The following ARHGAP44 variants were observed in gnomAD, a reference collection of about 807,000 sequenced individuals.
ARHGAP44 encodes Rho GTPase activating protein 44.
In ARHGAP44, 43 loss-of-function variants were observed where a neutral mutation model predicts 106.8. That is an observed-to-expected ratio of 0.40 (90% CI 0.32 to 0.52). ARHGAP44 has a LOEUF of 0.52. ARHGAP44 is among the 20% of genes least tolerant of loss of function. ARHGAP44 has a pLI of 0.48. For synonymous variants in ARHGAP44, 439 were observed against 410.3 expected (o/e 1.07, Z -0.85); for missense variants, 866 against 1,050.5 (o/e 0.82, Z 2.43).
chr17:12,972,790 T>C (rs1487897832), intron 16 of ARHGAP44, among the ~76,000 whole-genome samples: 1 of 151,214 alleles, frequency 6.6e-6, no homozygotes, highest in African/African-American at 2.4e-5. Context: ...GCCTCCCGAA[T>C]AGCTGGGACT....
At chr17:12,799,560 C>T (rs2034025204) in intron 1 of ARHGAP44, among the ~76,000 whole-genome samples, 1 of 152,258 alleles carries the variant, frequency 6.6e-6, no homozygotes, top group South Asian at 2.1e-4. Context: ...GTACTAGTTC[C>T]CTGGATATGA....
At chr17:12,913,968 C>CAAA (rs58231055) in intron 4 of ARHGAP44, among the ~76,000 whole-genome samples, 1,426 of 63,426 alleles carry the variant, frequency 0.022, 64 homozygotes, top group African/African-American at 0.072. Context: ...GATTTTGTCT[C>CAAA]AAAAAAAAAA....
intron 8 of ARHGAP44, among the ~76,000 whole-genome samples, chr17:12,941,490 G>A (rs2038707700): frequency 6.6e-6 from 1 of 152,038 alleles, no homozygotes; most frequent in Non-Finnish European, 1.5e-5. Flanking sequence ...TAAATATCCT[G>A]CAGTGCACAA....
rs531946415 is a variant in ARHGAP44, at chr17:12,940,052, G to C, written c.583-1004G>C. 8.1e-4 allele frequency among the ~76,000 whole-genome samples: 123 copies of C among 152,326 alleles called. 1 individual carries two copies. The highest frequency in any genetic ancestry group is 2.9e-3 in the African/African-American group (120 of 41,566). On this transcript the variant is annotated intron_variant, in intron 7 of 20. Transcript: ENST00000379672. ...GACTGAGGGTTATGGGGTTGGTGCAGATTGCTTGAGGTTTCATGGAAGAGC... is the reference window on the plus strand; with the variant it reads ...GACTGAGGGTTATGGGGTTGGTGCACATTGCTTGAGGTTTCATGGAAGAGC...
chr17:12,861,935 T>G (rs893004106), intron 1 of ARHGAP44, among the ~76,000 whole-genome samples: 4 of 151,946 alleles, frequency 2.6e-5, no homozygotes, highest in African/African-American at 9.7e-5. Flanking sequence ...GTGGCTGGCC[T>G]TCCTCTTCCA....
In ARHGAP44 at chr17:12,973,295, C is replaced by T. The variant is rs2039575146; in HGVS notation, c.1524-7C>T. ...AAACTAATATCTGTATGTTTCTGTC[C>T]CTGCAGCCTTAGGAAAATCCAAAGG... On this transcript the variant is annotated splice_region_variant and splice_polypyrimidine_tract_variant and intron_variant, in intron 16 of 20. Coordinates refer to ENST00000379672, the MANE Select transcript of ARHGAP44 (RefSeq NM_014859.6). The T allele has an allele frequency of 5.6e-6, 9 of 1,607,756 alleles. No homozygotes were observed. The highest frequency in any genetic ancestry group is 7.6e-6 in the Non-Finnish European group (9 of 1,176,974).
intron 4 of ARHGAP44, 146 bp downstream of exon 4, chr17:12,909,119 G>C (rs2037647192): frequency 2.9e-6 from 2 of 682,122 alleles, no homozygotes; most frequent in Admixed American, 3.3e-5. Context: ...TAGGAAATCA[G>C]AACTCTTGGC....
At chr17:12,911,732 G>A (rs952252896) in intron 4 of ARHGAP44, among the ~76,000 whole-genome samples, 2 of 152,128 alleles carry the variant, frequency 1.3e-5, no homozygotes, top group Non-Finnish European at 2.9e-5. Flanking sequence ...GGGGACTCCC[G>A]GTGCAGTGGA....
At chr17:12,896,164 C>T (rs144470458) in intron 2 of ARHGAP44, among the ~76,000 whole-genome samples, 9,337 of 151,268 alleles carry the variant, frequency 0.062, 334 homozygotes, top group East Asian at 0.1. Flanking sequence ...ATGTAAATGA[C>T]GAGTTAATGG....
At chr17:12,945,345 G>A (rs1215732561) in intron 10 of ARHGAP44, among the ~76,000 whole-genome samples, 1 of 152,150 alleles carries the variant, frequency 6.6e-6, no homozygotes, top group Non-Finnish European at 1.5e-5. Context: ...TTATTGCTGT[G>A]TAAATCATTT....
chr17:12,977,833 A>C (rs2039725326), intron 18 of ARHGAP44, among the ~76,000 whole-genome samples: 1 of 151,994 alleles, frequency 6.6e-6, no homozygotes, highest in South Asian at 2.1e-4. Flanking sequence ...AGGTCAGGAG[A>C]TCGAGGCCAT....
chr17:12,905,449 T>C (rs1172833484), intron 3 of ARHGAP44, among the ~76,000 whole-genome samples: 3 of 152,142 alleles, frequency 2.0e-5, no homozygotes, highest in Non-Finnish European at 4.4e-5. Flanking sequence ...CAGTCTGCAC[T>C]TTGCAGAACA....
intron 16 of ARHGAP44, among the ~76,000 whole-genome samples, chr17:12,966,620 C>A (rs2039398488): frequency 6.6e-6 from 1 of 152,204 alleles, no homozygotes; most frequent in African/African-American, 2.4e-5. Context: ...CTCCCTGCCA[C>A]AGTTCATCTT....
At position 12,958,510 on chromosome 17, in the gene ARHGAP44, G is replaced by A. The variant is rs964853191; in HGVS notation, c.1343-207G>A. On this transcript the variant is annotated intron_variant, in intron 15 of 20. Transcript: ENST00000379672. The surrounding 1 kb of genome is among the most constrained non-coding windows in gnomAD (Gnocchi z 4.1). The stretch of plus-strand genomic sequence containing the variant: ...TTTTTTTTTTTCACAAATTGACATT[G>A]CTTTATTAAATGCCTATATAGGTGA... Among the ~76,000 whole-genome samples, 2 of 150,232 alleles carry A rather than the reference G, an allele frequency of 1.3e-5. No homozygotes were observed. Among genetic ancestry groups the A allele is most frequent in the Admixed American group, 1.3e-4 (2 of 15,088 alleles).
At chr17:12,956,916 C>T (rs1359078809) in intron 15 of ARHGAP44, among the ~76,000 whole-genome samples, 170 bp downstream of exon 15, 1 of 151,840 alleles carries the variant, frequency 6.6e-6, no homozygotes, top group African/African-American at 2.4e-5. Context: ...AAGGCACACA[C>T]GTATCAGGGT....
At chr17:12,836,619 T>C (rs900734870) in intron 1 of ARHGAP44, among the ~76,000 whole-genome samples, 2 of 150,554 alleles carry the variant, frequency 1.3e-5, no homozygotes, top group African/African-American at 2.4e-5. Context: ...ATCACGCCAC[T>C]GCACTCCAGC....
At chr17:12,841,592 TCTCACA>T (rs1484692823) in intron 1 of ARHGAP44, among the ~76,000 whole-genome samples, 17 of 118,930 alleles carry the variant, frequency 1.4e-4, no homozygotes, top group South Asian at 2.9e-4. Context: ...TCTGTCTCTC[TCTCACA>T]CACACACACA....
At chr17:12,860,009 G>T (rs2036022542) in intron 1 of ARHGAP44, among the ~76,000 whole-genome samples, 1 of 152,184 alleles carries the variant, frequency 6.6e-6, no homozygotes, top group African/African-American at 2.4e-5. Flanking sequence ...GCTCCGTGGA[G>T]ATTAGGGCAG....
intron 1 of ARHGAP44, among the ~76,000 whole-genome samples, chr17:12,819,995 G>T (rs2034719323): frequency 1.3e-5 from 2 of 152,194 alleles, no homozygotes; most frequent in African/African-American, 4.8e-5. Context: ...TGCCATAGAA[G>T]GAGATATTCT....
Sources: gnomAD v4.1 joint callset for allele counts (sites outside exome capture counted in the v4.1 genomes callset) on GRCh38, gnomAD v4.1.1 for gene constraint, Gnocchi (gnomAD v3.1) non-coding constraint, MANE v1.5 for transcripts, NCBI Gene and HGNC (gene_info 2026-07-23, HGNC 2026-07-21) for gene names.